WDR1: variants seen among roughly 807,000 people sequenced by gnomAD.
WDR1 encodes WD repeat domain 1, also known as WD repeat-containing protein 1.
Under a neutral mutation model 71.9 loss-of-function variants are expected in WDR1, and 21 were observed. The observed-to-expected ratio is 0.29, with a 90% CI of 0.21 to 0.42. The LOEUF (loss-of-function observed/expected upper bound fraction) is 0.42, where lower values mean the gene tolerates loss of function less well. Among genes scored for constraint, WDR1 ranks in the 10% least tolerant of loss-of-function variants. The pLI is 1.00. For synonymous variants in WDR1, 424 were observed against 347.4 expected, an observed-to-expected ratio of 1.22 and a Z score of -2.45; for missense variants, 696 against 824.5, an observed-to-expected ratio of 0.84 and a Z score of 1.91.
intron 8 of WDR1, among the ~76,000 whole-genome samples, chr4:10,085,568 A>G (rs1015332929): frequency 1.3e-5 from 2 of 152,204 alleles, no homozygotes; most frequent in African/African-American, 4.8e-5. Flanking sequence ...TTCCTGCCAA[A>G]TCAGAACGTG....
At chr4:10,082,685 G>A (rs2109644596) in intron 10 of WDR1, among the ~76,000 whole-genome samples, 1 of 152,348 alleles carries the variant, frequency 6.6e-6, no homozygotes, top group South Asian at 2.1e-4. Flanking sequence ...GCCTGAGGCA[G>A]GCTCCACTGT....
At chr4:10,115,606 T>C (rs1443171472) in intron 2 of WDR1, 1 of 152,868 alleles carries the variant, frequency 6.5e-6, no homozygotes, top group Non-Finnish European at 1.5e-5. Context: ...AGCAGCTCAT[T>C]CATTCCATCT....
At chr4:10,099,178 G>A (rs531021814) in intron 3 of WDR1, 39 bp from the exon 4 acceptor site, 13 of 946,026 alleles carry the variant, frequency 1.4e-5, no homozygotes, top group East Asian at 3.9e-5. Context: ...GGGAGGCGGT[G>A]GTGGGGTAAA....
intron 14 of WDR1, 74 bp from the exon 15 acceptor site, chr4:10,075,558 G>T: frequency 7.3e-7 from 1 of 1,367,522 alleles, no homozygotes; most frequent in Non-Finnish European, 1.0e-6. Flanking sequence ...CTAGGAAGAT[G>T]GAACAACCTG....
chr4:10,079,183 T>C (rs78140483), intron 11 of WDR1, among the ~76,000 whole-genome samples, 182 bp from the exon 12 acceptor site: 14,400 of 152,276 alleles, frequency 0.095, 911 homozygotes, highest in Non-Finnish European at 0.13. Context: ...CGTTTGACAG[T>C]TGCTCTAGCC....
At chr4:10,081,333 C>G (rs754301567) in intron 11 of WDR1, 24 bp downstream of exon 11, 1 of 1,611,422 alleles carries the variant, frequency 6.2e-7, no homozygotes, top group Admixed American at 1.7e-5. Flanking sequence ...AGGCTCCCAC[C>G]CAAACACTAA....
At chr4:10,098,606 C>G (rs1439522882) in intron 4 of WDR1, among the ~76,000 whole-genome samples, 1 of 152,232 alleles carries the variant, frequency 6.6e-6, no homozygotes, top group Non-Finnish European at 1.5e-5. Context: ...AGGTGCCCAG[C>G]TGGAAGAAAC....
At chr4:10,102,104 C>G (rs1712715435) in intron 3 of WDR1, among the ~76,000 whole-genome samples, 1 of 152,240 alleles carries the variant, frequency 6.6e-6, no homozygotes, top group South Asian at 2.1e-4. Flanking sequence ...ACCCAGCCGC[C>G]TGGCTCGATC....
intron 3 of WDR1, among the ~76,000 whole-genome samples, chr4:10,100,609 G>A (rs777219353): frequency 2.0e-5 from 3 of 152,190 alleles, no homozygotes; most frequent in Non-Finnish European, 2.9e-5. Flanking sequence ...AAGAGGTGAT[G>A]CCAAATCCAG....
At chr4:10,087,655 G>T in intron 8 of WDR1, 52 bp downstream of exon 8, 1 of 1,502,530 alleles carries the variant, frequency 6.7e-7, no homozygotes, top group Non-Finnish European at 8.9e-7. Context: ...GGCCACTCTG[G>T]TCTCTTCCCT....
rs1764855084 is a variant in WDR1 at position 10,077,734 on chromosome 4, G to A, written c.1569+19C>T. 1 of 1,553,246 alleles carries A rather than the reference G, an allele frequency of 6.4e-7. No individual in the cohort carries two copies. Among genetic ancestry groups the A allele is most frequent in the Non-Finnish European group, 8.7e-7 (1 of 1,148,014 alleles). Reference sequence around the variant, plus strand: ...CACCGCCCAGCACGGGGACAGAGGAGGAGCCCGCCGCCACTCACCGAGTAG... The same window carrying A: ...CACCGCCCAGCACGGGGACAGAGGAAGAGCCCGCCGCCACTCACCGAGTAG... On this transcript the variant is annotated intron_variant, in intron 13 of 14. Coordinates refer to ENST00000499869, the MANE Select transcript of WDR1 (RefSeq NM_017491.5).
chr4:10,088,780 G>A (rs1479421365), intron 5 of WDR1, 39 bp from the exon 6 acceptor site: 1 of 1,489,628 alleles, frequency 6.7e-7, no homozygotes, highest in Non-Finnish European at 9.2e-7. Context: ...AGGGGCCGCA[G>A]GCCTGACTCT....
intron 11 of WDR1, among the ~76,000 whole-genome samples, chr4:10,081,131 C>T (rs1028254242): frequency 2.6e-5 from 4 of 152,216 alleles, no homozygotes; most frequent in Non-Finnish European, 4.4e-5. Context: ...CGACCAGCTG[C>T]GGCCTTGGAC....
intron 12 of WDR1, among the ~76,000 whole-genome samples, chr4:10,078,373 G>T (rs1010569291): frequency 1.4e-4 from 21 of 152,334 alleles, no homozygotes; most frequent in Admixed American, 1.1e-3. Flanking sequence ...ACTGTGACCA[G>T]ACCACACACA....
At chr4:10,092,903 C>T in intron 5 of WDR1, 1 of 485,298 alleles carries the variant, frequency 2.1e-6, no homozygotes, top group Admixed American at 2.4e-5. Context: ...CAGCCTCATC[C>T]CTGGTGGACA....
intron 2 of WDR1, among the ~76,000 whole-genome samples, chr4:10,110,097 C>T (rs910546746): frequency 1.4e-5 from 2 of 141,014 alleles, no homozygotes; most frequent in South Asian, 2.6e-4. Context: ...GACAGTGGGG[C>T]GGGGGTAGGG....
At chr4:10,103,782 A>ACCCCCCCCCCCC in intron 3 of WDR1, 114 bp downstream of exon 3, 1 of 72,402 alleles carries the variant, frequency 1.4e-5, no homozygotes, top group Non-Finnish European at 2.9e-5. Context: ...CTGCTCCCCC[A>ACCCCCCCCCCCC]CCCCCCACCT....
chr4:10,111,031 C>T (rs560199494), intron 2 of WDR1, among the ~76,000 whole-genome samples: 5 of 152,360 alleles, frequency 3.3e-5, no homozygotes, highest in South Asian at 4.1e-4. Flanking sequence ...CACCACGCAA[C>T]GGAACCTGCG....
At chr4:10,079,022 T>C (rs748094143) in intron 11 of WDR1, 21 bp from the exon 12 acceptor site, 127 of 1,577,206 alleles carry the variant, frequency 8.1e-5, no homozygotes, top group Non-Finnish European at 9.5e-5. Flanking sequence ...CACAGGCAGC[T>C]GGTCAGGCGG....
Sources: gnomAD v4.1 joint callset for allele counts (sites outside exome capture counted in the v4.1 genomes callset) on GRCh38, gnomAD v4.1.1 for gene constraint, MANE v1.5 for transcripts, NCBI Gene and HGNC (gene_info 2026-07-23, HGNC 2026-07-21) for gene names.